Variants in PLEKHA6 observed in about 807,000 individuals in gnomAD.
The protein encoded by PLEKHA6 is pleckstrin homology domain-containing family A member 6.
A neutral mutation model predicts 116.7 loss-of-function variants in PLEKHA6; 60 were observed. The ratio of observed to expected loss-of-function variants is 0.51; its 90% CI spans 0.42 to 0.64. PLEKHA6 has a LOEUF of 0.64. Among genes scored for constraint, PLEKHA6 ranks in the 30% least tolerant of loss-of-function variants. The pLI is 0.00. For synonymous variants in PLEKHA6, 489 were observed against 556.1 expected (o/e 0.88, Z 1.70); for missense variants, 1,338 against 1,422.7 (o/e 0.94, Z 0.96).
At chr1:204,322,886 T>C (rs1672115386) in intron 1 of PLEKHA6, among the ~76,000 whole-genome samples, 2 of 152,232 alleles carry the variant, frequency 1.3e-5, no homozygotes. Flanking sequence ...TCTTGTCCCA[T>C]GGCGTATCAT....
intron 1 of PLEKHA6, among the ~76,000 whole-genome samples, chr1:204,350,293 C>T (rs1673232934): frequency 6.6e-6 from 1 of 152,220 alleles, no homozygotes; most frequent in Non-Finnish European, 1.5e-5. Context: ...GACACTCCAG[C>T]ATGGGTGACA....
intron 17 of PLEKHA6, among the ~76,000 whole-genome samples, chr1:204,231,346 G>C (rs1275267938): frequency 1.3e-5 from 2 of 152,160 alleles, no homozygotes; most frequent in Non-Finnish European, 2.9e-5. Flanking sequence ...CTAGAGAATA[G>C]AGTTATGCCT....
intron 1 of PLEKHA6, among the ~76,000 whole-genome samples, chr1:204,314,937 C>T (rs1558176214): frequency 6.6e-6 from 1 of 152,122 alleles, no homozygotes; most frequent in Non-Finnish European, 1.5e-5. Flanking sequence ...CAATGTAGGC[C>T]TCGGTGCCCT....
chr1:204,350,489 G>A (rs917457681), intron 1 of PLEKHA6, among the ~76,000 whole-genome samples: 13 of 152,262 alleles, frequency 8.5e-5, no homozygotes, highest in Non-Finnish European at 1.5e-4. Flanking sequence ...CCTCCGCAGG[G>A]CTGGGCTCAG....
rs1380293136 is a variant in PLEKHA6, at chr1:204,228,043, G to T, written c.3031+40C>A. The T allele has an allele frequency of 6.2e-7, 1 of 1,601,324 alleles. No individual in the cohort carries two copies. The highest frequency in any genetic ancestry group is 8.5e-7 in the Non-Finnish European group (1 of 1,174,376). On this transcript the variant is annotated intron_variant, in intron 21 of 22. Coordinates refer to ENST00000272203, the MANE Select transcript of PLEKHA6 (RefSeq NM_014935.5). This position sits in a 1 kb window ranked among gnomAD's most constrained non-coding sequence, Gnocchi z 4.0. ...TTCCTCCCTTAAACCTGGTCAGCTG[G>T]TTTCCCTGGCAGGGTGGAGCGAGGC... is the stretch of plus-strand genomic sequence containing the variant.
At chr1:204,231,515 G>A (rs1243274641) in intron 17 of PLEKHA6, among the ~76,000 whole-genome samples, 3 of 151,156 alleles carry the variant, frequency 2.0e-5, no homozygotes, top group African/African-American at 7.3e-5. Flanking sequence ...CTAATACAAT[G>A]TAAATGCTAT....
intron 1 of PLEKHA6, among the ~76,000 whole-genome samples, chr1:204,290,495 C>G (rs1669632548): frequency 6.6e-6 from 1 of 152,048 alleles, no homozygotes; most frequent in Non-Finnish European, 1.5e-5. Flanking sequence ...ACAACCTTGA[C>G]CCTATCATTA....
intron 1 of PLEKHA6, among the ~76,000 whole-genome samples, chr1:204,344,032 T>C (rs1672940327): frequency 6.6e-6 from 1 of 152,150 alleles, no homozygotes; most frequent in Admixed American, 6.5e-5. Context: ...TGCGTGCCTA[T>C]AATCCCAGCT....
Position 204,261,722 on chromosome 1 carries a change from C to G in PLEKHA6, c.382-274G>C, listed in dbSNP as rs1441107999. ...TAACCAGGTCAGCCTACTTGCCCCA[C>G]CTGGGGTAATTAAAGCAGGAGGGAC... On this transcript the variant is annotated intron_variant, in intron 6 of 22. Coordinates refer to ENST00000272203, the MANE Select transcript of PLEKHA6 (RefSeq NM_014935.5). This position sits in a 1 kb window ranked among gnomAD's most constrained non-coding sequence, Gnocchi z 4.0. Among the ~76,000 whole-genome samples the G allele has an allele frequency of 2.0e-5, 3 of 152,332 alleles. No homozygotes were observed. The East Asian group carries it at 5.8e-4, about 29-fold the overall frequency.
intron 1 of PLEKHA6, among the ~76,000 whole-genome samples, chr1:204,283,034 G>C (rs1668796963): frequency 6.6e-6 from 1 of 152,194 alleles, no homozygotes; most frequent in Admixed American, 6.5e-5. Flanking sequence ...CCGCCTTCCA[G>C]CTCTGAGTTG....
At chr1:204,269,756 C>T (rs115020984) in intron 3 of PLEKHA6, among the ~76,000 whole-genome samples, 189 of 152,302 alleles carry the variant, frequency 1.2e-3, no homozygotes, top group African/African-American at 4.2e-3. Context: ...AGGCTAAACA[C>T]TTCTAACCCA....
chr1:204,360,959 G>A (rs182304381), upstream of PLEKHA6, among the ~76,000 whole-genome samples: 304 of 152,244 alleles, frequency 2.0e-3, 1 homozygote, highest in African/African-American at 6.4e-3. Flanking sequence ...CTGTGACAAT[G>A]GGCAAGTGTA....
At chr1:204,377,570 G>C (rs910907774) in intron 1 of PLEKHA6, 1 of 152,272 alleles carries the variant, frequency 6.6e-6, no homozygotes, top group Non-Finnish European at 1.5e-5. Context: ...AAAGAAGAGC[G>C]AGACCAACAT....
chr1:204,268,783 T>A (rs2102860866), intron 3 of PLEKHA6, among the ~76,000 whole-genome samples: 1 of 152,230 alleles, frequency 6.6e-6, no homozygotes. Context: ...CTCCTAGCTC[T>A]GTGTTGCCAC....
At chr1:204,227,352 C>T (rs1004041659) in intron 21 of PLEKHA6, among the ~76,000 whole-genome samples, 1 of 152,180 alleles carries the variant, frequency 6.6e-6, no homozygotes, top group Admixed American at 6.5e-5. Context: ...CCTTGATTTA[C>T]CCACTGTCTC....
rs1026842220 is a variant in PLEKHA6, at chr1:204,311,668, CT to C, written c.-94-36860del. ...GGGTTTTTAAACACAAAATCATCAA[CT>C]CTTTGGAACTGAAAGTACCTTTGCT... is the stretch of plus-strand genomic sequence containing the variant. On this transcript the variant is annotated intron_variant, in intron 1 of 22. Coordinates refer to ENST00000272203, the MANE Select transcript of PLEKHA6 (RefSeq NM_014935.5). 12 of 972,518 alleles carry C rather than the reference CT, an allele frequency of 1.2e-5. No individual in the cohort carries two copies. The African/African-American group carries it at 1.9e-4, about 16-fold the overall frequency. The allele number at this position is 972,518 out of a possible 1,614,324, so 60.2% of individuals were successfully genotyped here. A position where few individuals can be genotyped will look rare whatever the true frequency, so the allele number is the denominator to read the frequency against.
intron 1 of PLEKHA6, among the ~76,000 whole-genome samples, chr1:204,292,616 C>T (rs533662546): frequency 7.9e-5 from 12 of 151,840 alleles, no homozygotes; most frequent in South Asian, 2.1e-4. Context: ...CCCTGGCTGA[C>T]GCCTACCTGT....
rs1033363333 is a variant in PLEKHA6, at chr1:204,261,084, C to T, written c.524+222G>A. ...GGAACCTGGCTTTTCTCTTGGCCTTCCCGAGCTCAGAGAGAAGAGGAGGAG... is the reference window on the plus strand; with the variant it reads ...GGAACCTGGCTTTTCTCTTGGCCTTTCCGAGCTCAGAGAGAAGAGGAGGAG... On this transcript the variant is annotated intron_variant, in intron 7 of 22. Transcript: ENST00000272203. This position sits in a 1 kb window ranked among gnomAD's most constrained non-coding sequence, Gnocchi z 4.0. Among the ~76,000 whole-genome samples the T allele has an allele frequency of 5.3e-5, 8 of 152,194 alleles. No homozygotes were observed. The highest frequency in any genetic ancestry group is 1.4e-4 in the African/African-American group (6 of 41,454).
Position 204,228,414 on chromosome 1 carries a change from T to C in PLEKHA6, c.2886-186A>G, listed in dbSNP as rs1266938090. Among the ~76,000 whole-genome samples the C allele has an allele frequency of 6.6e-6, 1 of 152,102 alleles. No individual in the cohort carries two copies. Among genetic ancestry groups the C allele is most frequent in the Non-Finnish European group, 1.5e-5 (1 of 68,008 alleles). ...CAAAACACAGGTTGGGACCCCTACC[T>C]TCAATGTTCTCAAATGAATTAAAAG... is the stretch of plus-strand genomic sequence containing the variant. On this transcript the variant is annotated intron_variant, in intron 20 of 22. Transcript: ENST00000272203. This position sits in a 1 kb window ranked among gnomAD's most constrained non-coding sequence, Gnocchi z 4.0.
Sources: gnomAD v4.1 joint callset for allele counts (sites outside exome capture counted in the v4.1 genomes callset) on GRCh38, gnomAD v4.1.1 for gene constraint, Gnocchi (gnomAD v3.1) non-coding constraint, MANE v1.5 for transcripts, NCBI Gene and HGNC (gene_info 2026-07-23, HGNC 2026-07-21) for gene names.